Variants in LINGO2 observed in about 807,000 individuals in gnomAD.
LINGO2 encodes the protein leucine rich repeat and Ig domain containing 2.
Under a neutral mutation model 30.6 loss-of-function variants are expected in LINGO2, and 14 were observed. The observed-to-expected ratio is 0.46, with a 90% CI of 0.30 to 0.72. The LOEUF (loss-of-function observed/expected upper bound fraction) is 0.72. Ranked by LOEUF, LINGO2 falls within the 30% of genes least tolerant of loss-of-function variation. The pLI is 0.07. For missense variants in LINGO2, 729 were observed against 751.7 expected (o/e 0.97, Z 0.35); for synonymous variants, 317 against 288.5 (o/e 1.10, Z -1.00).
chr9:28,760,491 T>C, the LINGO2 span, among the ~76,000 whole-genome samples: 4 of 152,094 alleles, frequency 2.6e-5, no homozygotes, highest in African/African-American at 7.3e-5. Context: ...AAAGGCTTGT[T>C]AAATTTTCTT....
the LINGO2 span, among the ~76,000 whole-genome samples, chr9:28,821,205 A>G: frequency 6.6e-6 from 1 of 152,232 alleles, no homozygotes; most frequent in African/African-American, 2.4e-5. Context: ...GACTAGGGGC[A>G]TATCTTGGAG....
chr9:28,575,925 A>AACACAC (rs1554640119), intron 1 of LINGO2, among the ~76,000 whole-genome samples: 1 of 49,716 alleles, frequency 2.0e-5, no homozygotes, highest in East Asian at 7.2e-4. Context: ...TTAGCCTTGA[A>AACACAC]ATACACACAC....
At chr9:28,151,972 T>G (rs546281416) in intron 4 of LINGO2, among the ~76,000 whole-genome samples, 1 of 152,276 alleles carries the variant, frequency 6.6e-6, no homozygotes, top group East Asian at 1.9e-4. Flanking sequence ...ACAAAATTAT[T>G]TTTAGACTGA....
chr9:28,181,663 T>C (rs963840719), intron 4 of LINGO2, among the ~76,000 whole-genome samples: 4 of 152,192 alleles, frequency 2.6e-5, no homozygotes, highest in South Asian at 2.1e-4. Context: ...TTACAGCTCA[T>C]TGAAAGACTG....
the LINGO2 span, among the ~76,000 whole-genome samples, chr9:28,719,180 C>T: frequency 1.3e-5 from 2 of 151,974 alleles, no homozygotes; most frequent in Non-Finnish European, 2.9e-5. Context: ...GTTAATGTCA[C>T]TCCTGTTCCT....
intron 4 of LINGO2, among the ~76,000 whole-genome samples, chr9:28,230,190 A>C (rs1397827644): frequency 6.6e-6 from 1 of 151,848 alleles, no homozygotes; most frequent in Non-Finnish European, 1.5e-5. Flanking sequence ...TGAAAGGATA[A>C]AAAATACTAT....
the LINGO2 span, among the ~76,000 whole-genome samples, chr9:28,750,343 T>C: frequency 2.0e-5 from 3 of 152,118 alleles, no homozygotes; most frequent in Non-Finnish European, 2.9e-5. Context: ...CAAGATTCTA[T>C]TTTCCTCTCA....
intron 1 of LINGO2, among the ~76,000 whole-genome samples, chr9:28,601,140 C>T (rs191844692): frequency 3.3e-4 from 50 of 152,108 alleles, no homozygotes; most frequent in African/African-American, 1.1e-3. Flanking sequence ...CTAGCAGTAC[C>T]CTGGAGAATG....
chr9:28,314,604 C>G (rs1824765196), intron 3 of LINGO2, among the ~76,000 whole-genome samples: 1 of 152,194 alleles, frequency 6.6e-6, no homozygotes, highest in Non-Finnish European at 1.5e-5. Flanking sequence ...ATGACCATCA[C>G]AAAACAAGCT....
chr9:28,258,769 G>C (rs748932922), intron 4 of LINGO2, among the ~76,000 whole-genome samples: 1 of 151,794 alleles, frequency 6.6e-6, no homozygotes, highest in Non-Finnish European at 1.5e-5. Flanking sequence ...TCTTATCTGT[G>C]AGTTCTATGG....
At chr9:28,662,705 A>G (rs1181954107) in intron 1 of LINGO2, among the ~76,000 whole-genome samples, 1 of 152,188 alleles carries the variant, frequency 6.6e-6, no homozygotes, top group Admixed American at 6.5e-5. Flanking sequence ...TTGTAGCGCT[A>G]TAATGTTAAT....
chr9:28,372,141 C>T (rs79695443), intron 3 of LINGO2, among the ~76,000 whole-genome samples: 119,007 of 151,824 alleles, frequency 0.78, 47,859 homozygotes, highest in Middle Eastern at 0.9. Flanking sequence ...GAAAATGTTA[C>T]ATACTTCCAA....
At chr9:28,177,639 T>A (rs983896736) in intron 4 of LINGO2, among the ~76,000 whole-genome samples, 2 of 152,148 alleles carry the variant, frequency 1.3e-5, no homozygotes, top group East Asian at 1.9e-4. Context: ...ACAAATATTG[T>A]TATGATTGCT....
the LINGO2 span, among the ~76,000 whole-genome samples, chr9:28,819,943 C>T: frequency 2.0e-5 from 3 of 152,188 alleles, no homozygotes; most frequent in Non-Finnish European, 4.4e-5. Flanking sequence ...TACCACTCCT[C>T]CTCACCAAAA....
At chr9:28,438,266 G>A (rs1261934701) in intron 2 of LINGO2, among the ~76,000 whole-genome samples, 3 of 152,168 alleles carry the variant, frequency 2.0e-5, no homozygotes, top group Admixed American at 1.3e-4. Flanking sequence ...GTGTCTGAGA[G>A]GGTTTTTCTG....
chr9:28,171,784 G>A (rs1487622896), intron 4 of LINGO2, among the ~76,000 whole-genome samples: 6 of 151,300 alleles, frequency 4.0e-5, no homozygotes, highest in Non-Finnish European at 7.4e-5. Context: ...CGAGGCAGGC[G>A]GATCACGAGG....
chr9:28,852,966 C>A, the LINGO2 span, among the ~76,000 whole-genome samples: 10 of 152,018 alleles, frequency 6.6e-5, no homozygotes, highest in African/African-American at 2.2e-4. Flanking sequence ...GTGACCAGGG[C>A]TGAAATTATT....
chr9:28,199,345 T>TTCTTCTTCTTCTTC (rs763087259), intron 4 of LINGO2, among the ~76,000 whole-genome samples: 1 of 86,072 alleles, frequency 1.2e-5, no homozygotes, highest in Non-Finnish European at 2.7e-5. Context: ...CTTCTTCTTC[T>TTCTTCTTCTTCTTC]TTTTTTTTTT....
the LINGO2 span, among the ~76,000 whole-genome samples, chr9:29,008,067 C>A: frequency 6.6e-6 from 1 of 152,056 alleles, no homozygotes; most frequent in African/African-American, 2.4e-5. Flanking sequence ...CTAATGCTAT[C>A]CCTCCCCTCT....
Sources: gnomAD v4.1 joint callset for allele counts (sites outside exome capture counted in the v4.1 genomes callset) on GRCh38, gnomAD v4.1.1 for gene constraint, MANE v1.5 for transcripts, NCBI Gene and HGNC (gene_info 2026-07-23, HGNC 2026-07-21) for gene names.